The following MDGA2 variants were observed in gnomAD, a reference collection of about 807,000 sequenced individuals.
MDGA2 encodes MAM domain-containing glycosylphosphatidylinositol anchor protein 2.
A neutral mutation model predicts 117.8 loss-of-function variants in MDGA2; 40 were observed. That is an observed-to-expected ratio of 0.34 (90% CI 0.26 to 0.44). MDGA2 has a LOEUF of 0.44. MDGA2 is among the 20% of genes least tolerant of loss of function. The pLI, the probability that MDGA2 is intolerant of heterozygous loss-of-function variation, is 1.00. For synonymous variants in MDGA2, 452 were observed against 439.0 expected, an observed-to-expected ratio of 1.03 and a Z score of -0.37; for missense variants, 1,123 against 1,250.6, an observed-to-expected ratio of 0.90 and a Z score of 1.54.
chr14:47,615,523 C>T (rs1469907128), intron 1 of MDGA2, among the ~76,000 whole-genome samples: 1 of 152,170 alleles, frequency 6.6e-6, no homozygotes, highest in Non-Finnish European at 1.5e-5. Flanking sequence ...TGCAAGTCTA[C>T]ACTAAGTAGA....
chr14:47,259,947 T>C (rs969749464), intron 2 of MDGA2, among the ~76,000 whole-genome samples: 6 of 152,108 alleles, frequency 3.9e-5, no homozygotes, highest in South Asian at 2.1e-4. Context: ...GGATATTTCA[T>C]ACATATTCAA....
chr14:47,162,604 A>C (rs1054830185), intron 3 of MDGA2, among the ~76,000 whole-genome samples: 1 of 151,916 alleles, frequency 6.6e-6, no homozygotes, highest in African/African-American at 2.4e-5. Context: ...ATTCAGTATG[A>C]GTTCAGGATT....
intron 1 of MDGA2, among the ~76,000 whole-genome samples, chr14:47,500,759 C>G (rs1231997981): frequency 6.6e-6 from 1 of 151,930 alleles, no homozygotes; most frequent in Non-Finnish European, 1.5e-5. Context: ...TTAATAGAAC[C>G]AATTCATTAC....
intron 2 of MDGA2, among the ~76,000 whole-genome samples, chr14:47,265,473 A>G (rs1344533922): frequency 2.0e-5 from 3 of 152,088 alleles, no homozygotes; most frequent in African/African-American, 7.2e-5. Flanking sequence ...TCCATATAAA[A>G]ACATTCTAGA....
At chr14:47,260,791 C>A (rs768424201) in intron 2 of MDGA2, among the ~76,000 whole-genome samples, 11 of 152,002 alleles carry the variant, frequency 7.2e-5, no homozygotes, top group Non-Finnish European at 7.4e-5. Context: ...TCAATCAAAC[C>A]TACATTTTCA....
intron 1 of MDGA2, among the ~76,000 whole-genome samples, chr14:47,424,237 A>T (rs527606505): frequency 6.6e-6 from 1 of 152,226 alleles, no homozygotes; most frequent in African/African-American, 2.4e-5. Context: ...TCTGGGTAAC[A>T]TGGAGAAACC....
At chr14:46,974,480 TAC>T (rs1886381023) in intron 8 of MDGA2, among the ~76,000 whole-genome samples, 1 of 152,062 alleles carries the variant, frequency 6.6e-6, no homozygotes. Flanking sequence ...CAAAAGTCAC[TAC>T]AGAGCTCCAG....
intron 1 of MDGA2, among the ~76,000 whole-genome samples, chr14:47,402,316 T>C (rs1245583672): frequency 8.0e-6 from 1 of 125,660 alleles, no homozygotes; most frequent in African/African-American, 2.9e-5. Flanking sequence ...TATGCTAGGG[T>C]AGAAACCCCA....
Position 47,248,302 on chromosome 14 carries a change from C to T in MDGA2, c.421-30107G>A, listed in dbSNP as rs545357622. ...TTACAAAAAAATGAGAAACATCAGA[C>T]GGAATAATAGGAATAGAAAATTATA... On this transcript the variant is annotated intron_variant, in intron 2 of 16. Transcript: ENST00000399232. Among the ~76,000 whole-genome samples, 37 of 151,290 alleles carry T rather than the reference C, an allele frequency of 2.4e-4. 1 individual carries two copies. The South Asian group carries it at 6.9e-3, about 28-fold the overall frequency.
intron 1 of MDGA2, among the ~76,000 whole-genome samples, chr14:47,450,089 T>C (rs1317433574): frequency 6.6e-6 from 1 of 152,092 alleles, no homozygotes; most frequent in Non-Finnish European, 1.5e-5. Context: ...AACTAACACA[T>C]GCATTACCAC....
intron 10 of MDGA2, among the ~76,000 whole-genome samples, chr14:46,912,460 C>A (rs28614099): frequency 0.024 from 3,655 of 152,132 alleles, 144 homozygotes; most frequent in African/African-American, 0.083. Context: ...AGTGTTCACC[C>A]AAATTCTAGT....
At chr14:46,980,021 T>C (rs2138374780) in intron 8 of MDGA2, among the ~76,000 whole-genome samples, 1 of 152,340 alleles carries the variant, frequency 6.6e-6, no homozygotes. Context: ...AGATTGATTA[T>C]ACTGTTAGGG....
At chr14:47,276,692 G>A (rs573011284) in intron 2 of MDGA2, among the ~76,000 whole-genome samples, 52 of 152,228 alleles carry the variant, frequency 3.4e-4, no homozygotes, top group African/African-American at 1.2e-3. Flanking sequence ...CAATTAATAC[G>A]TGATGACTAT....
chr14:47,309,084 A>G (rs1889552055), intron 1 of MDGA2, among the ~76,000 whole-genome samples: 1 of 152,168 alleles, frequency 6.6e-6, no homozygotes, highest in Non-Finnish European at 1.5e-5. Flanking sequence ...ACATAAGCTA[A>G]ATGTTCAACT....
At chr14:47,508,352 A>ACACTCTCTCTCTCTCTCTCT (rs149881110) in intron 1 of MDGA2, among the ~76,000 whole-genome samples, 1 of 132,762 alleles carries the variant, frequency 7.5e-6, no homozygotes, top group African/African-American at 2.9e-5. Flanking sequence ...TTGCTGATTG[A>ACACTCTCTCTCTCTCTCTCT]CTCTCTCTCT....
At chr14:46,847,071 T>G (rs1369566227) in intron 15 of MDGA2, among the ~76,000 whole-genome samples, 3 of 152,114 alleles carry the variant, frequency 2.0e-5, no homozygotes, top group Non-Finnish European at 4.4e-5. Flanking sequence ...TTGAGAGAAC[T>G]TAGGCTACTT....
intron 9 of MDGA2, among the ~76,000 whole-genome samples, chr14:46,934,316 A>T (rs753598314): frequency 6.6e-6 from 1 of 152,064 alleles, no homozygotes; most frequent in African/African-American, 2.4e-5. Context: ...AACTAAAAAC[A>T]TGGACTTATG....
At chr14:47,471,165 G>T (rs760867406) in intron 1 of MDGA2, among the ~76,000 whole-genome samples, 15 of 151,844 alleles carry the variant, frequency 9.9e-5, no homozygotes, top group Non-Finnish European at 2.2e-4. Flanking sequence ...CAGGTACGTG[G>T]TAGATGGCTG....
intron 8 of MDGA2, among the ~76,000 whole-genome samples, chr14:46,986,079 A>T (rs1886848227): frequency 1.3e-5 from 2 of 152,184 alleles, no homozygotes; most frequent in African/African-American, 4.8e-5. Flanking sequence ...CAGCCTGAGG[A>T]ATCTTGCTAA....
Sources: gnomAD v4.1 joint callset for allele counts (sites outside exome capture counted in the v4.1 genomes callset) on GRCh38, gnomAD v4.1.1 for gene constraint, MANE v1.5 for transcripts, NCBI Gene and HGNC (gene_info 2026-07-23, HGNC 2026-07-21) for gene names.